Variants in OR6C3 observed in about 807,000 individuals in gnomAD.
OR6C3 encodes olfactory receptor 6C3.
For missense variants in OR6C3, 487 were observed against 364.6 expected (o/e 1.34, Z -2.73); for synonymous variants, 177 against 137.4 (o/e 1.29, Z -2.02).
rs747954019 is a variant in OR6C3, at chr12:55,332,497, C to A, written c.797C>A (p.Ser266Ter). 2.5e-6 allele frequency: 4 copies of A among 1,613,910 alleles called. No homozygotes were observed. Among genetic ancestry groups the A allele is most frequent in the Non-Finnish European group, 8.5e-7 (1 of 1,179,882 alleles). The stretch of plus-strand genomic sequence containing the variant: ...AATCCATCTGCAAAAGAAAAGGCAT[C>A]ATTGACAAAAGGAATAGCTATTCTC... ...YANPSAKEKA[S>*]LTKGIAILNT... Residue 266 changes from serine (S) to a stop codon, truncating the protein, a stop_gained, in exon 2 of 2, where the codon TCA (serine) becomes TAA (stop). Transcript: ENST00000641740. LOFTEE classifies it low-confidence loss of function (END_TRUNC).
At chr12:55,330,448 T>C (rs1484513478), upstream of OR6C3, 1 of 152,160 alleles carries the variant, frequency 6.6e-6, no homozygotes, top group African/African-American at 2.4e-5. Context: ...GTGTGAACTT[T>C]GGTAGTGTCC....
At chr12:55,331,196 A>G (rs1868830363) in intron 1 of OR6C3, among the ~76,000 whole-genome samples, 1 of 151,780 alleles carries the variant, frequency 6.6e-6, no homozygotes, top group Non-Finnish European at 1.5e-5. Flanking sequence ...GGTTTCTCAT[A>G]TCATAAAAAG....
At position 55,331,852 on chromosome 12, in the gene OR6C3, A is replaced by G. The variant is rs768074028; in HGVS notation, c.152A>G (p.His51Arg). The part of the protein sequence containing the change: ...TIITLTFVDS[H>R]LQTPMYFFLR... ...ATCACCCTAACCTTTGTGGACTCCC[A>G]TCTGCAGACACCTATGTATTTCTTC... The change falls in exon 2 of 2, where the codon CAT becomes CGT. Residue 51 changes from histidine to arginine, a missense_variant. Coordinates refer to ENST00000641740, the MANE Select transcript of OR6C3 (RefSeq NM_001388498.1). 6 of 1,613,966 alleles carry G rather than the reference A, an allele frequency of 3.7e-6. No homozygotes were observed. The highest frequency in any genetic ancestry group is 1.3e-5 in the African/African-American group (1 of 74,910).
rs1394696226 is a variant in OR6C3, at chr12:55,331,668, G to C, written c.-33G>C. 7.4e-7 allele frequency: 1 copy of C among 1,355,366 alleles called. No individual in the cohort carries two copies. Among genetic ancestry groups the C allele is most frequent in the Non-Finnish European group, 1.0e-6 (1 of 975,444 alleles). The allele number at this position is 1,355,366 out of a possible 1,614,324, so 84.0% of individuals were successfully genotyped here. ...AATATCTTTAAAAGAACAAAAAGGAGAGTGGAAGAAGGAGAGAGAGAAAGG... is the reference window on the plus strand; with the variant it reads ...AATATCTTTAAAAGAACAAAAAGGACAGTGGAAGAAGGAGAGAGAGAAAGG... On this transcript the variant is annotated 5_prime_UTR_variant, in exon 2 of 2. Coordinates refer to ENST00000641740, the MANE Select transcript of OR6C3 (RefSeq NM_001388498.1).
chr12:55,332,023 A>C lies in OR6C3; in HGVS notation c.323A>C (p.Glu108Ala), dbSNP rs1330550143. 1.9e-6 allele frequency: 3 copies of C among 1,613,986 alleles called. No homozygotes were observed. The highest frequency in any genetic ancestry group is 1.3e-5 in the African/African-American group (1 of 74,910). ...TTCTTTATCTTCATGGGGGTGACTG[A>C]ATTTTACATTTTAACTGCCATGTCC... ...LFFFIFMGVTEFYILTAMSYD... is the reference protein window; with the variant it reads ...LFFFIFMGVTAFYILTAMSYD... Residue 108 changes from glutamate to alanine, a missense_variant, in exon 2 of 2, where the codon GAA (glutamate) becomes GCA (alanine). Glu to Ala is a moderately radical substitution (Grantham distance 107). Coordinates refer to ENST00000641740, the MANE Select transcript of OR6C3 (RefSeq NM_001388498.1).
chr12:55,331,853 T>C lies in OR6C3; in HGVS notation c.153T>C (p.His51=). ...TIITLTFVDS[H]LQTPMYFFLR... ...TCACCCTAACCTTTGTGGACTCCCATCTGCAGACACCTATGTATTTCTTCC... is the reference window on the plus strand; with the variant it reads ...TCACCCTAACCTTTGTGGACTCCCACCTGCAGACACCTATGTATTTCTTCC... The change falls in exon 2 of 2, where the codon CAT becomes CAC. Residue 51 remains histidine (H), a synonymous_variant. Coordinates refer to ENST00000641740, the MANE Select transcript of OR6C3 (RefSeq NM_001388498.1). The C allele has an allele frequency of 1.2e-6, 2 of 1,614,128 alleles. No individual in the cohort carries two copies. The highest frequency in any genetic ancestry group is 8.5e-7 in the Non-Finnish European group (1 of 1,180,004).
Position 55,331,756 on chromosome 12 carries a change from A to G in OR6C3, c.56A>G (p.Asp19Gly). 1 of 1,613,946 alleles carries G rather than the reference A, an allele frequency of 6.2e-7. No individual in the cohort carries two copies. The highest frequency in any genetic ancestry group is 2.2e-5 in the East Asian group (1 of 44,878). ...CTCCTGGGCCTTTCTGATGATCCTG[A>G]CCTTCAGATTGTGATTTTTCTCTTT... is the stretch of plus-strand genomic sequence containing the variant. ...FVLLGLSDDP[D>G]LQIVIFLFLF... The change falls in exon 2 of 2, where the codon GAC (aspartate) becomes GGC (glycine). Residue 19 changes from aspartate (D) to glycine (G), a missense_variant. By Grantham distance (94) the Asp-to-Gly change is moderately conservative. Transcript: ENST00000641740.
In OR6C3 at chr12:55,331,919, A is replaced by G. The variant is rs1396574791; in HGVS notation, c.219A>G (p.Val73=). The change falls in exon 2 of 2, where the codon GTA becomes GTG. Residue 73 remains valine, a synonymous_variant. Coordinates refer to ENST00000641740, the MANE Select transcript of OR6C3 (RefSeq NM_001388498.1). ...TCTTAGAAATCTCATTTACAACCGT[A>G]TGCATCCCCAGATTTCTGGGGGCAA... ...FSFLEISFTT[V]CIPRFLGAII... is the part of the protein sequence containing the mutation. The G allele has an allele frequency of 1.9e-6, 3 of 1,614,076 alleles. No homozygotes were observed. Among genetic ancestry groups the G allele is most frequent in the Non-Finnish European group, 2.5e-6 (3 of 1,179,934 alleles).
At chr12:55,330,475 T>C (rs984368891), upstream of OR6C3, 1 of 152,284 alleles carries the variant, frequency 6.6e-6, no homozygotes, top group Admixed American at 6.5e-5. Flanking sequence ...GAAGCAATAA[T>C]TTTACATTCT....
chr12:55,331,648 C>G lies in OR6C3; in HGVS notation c.-44-9C>G. 3.4e-6 allele frequency: 4 copies of G among 1,163,670 alleles called. No individual in the cohort carries two copies. The South Asian group carries it at 6.1e-5, about 18-fold the overall frequency. The allele number at this position is 1,163,670 out of a possible 1,614,324, so 72.1% of individuals were successfully genotyped here. On this transcript the variant is annotated splice_polypyrimidine_tract_variant and intron_variant, in intron 1 of 1. Transcript: ENST00000641740. ...CTTAATTATCATTCTACCAAAATAT[C>G]TTTAAAAGAACAAAAAGGAGAGTGG...
In OR6C3 at chr12:55,332,548, A is replaced by G; in HGVS notation, c.848A>G (p.Asn283Ser). Residue 283 changes from asparagine (N) to serine (S), a missense_variant, in exon 2 of 2, where the codon AAC (asparagine) becomes AGC (serine). By Grantham distance (46) the Asn-to-Ser change is conservative (BLOSUM62 1). Coordinates refer to ENST00000641740, the MANE Select transcript of OR6C3 (RefSeq NM_001388498.1). ...AATACATCTGTTGCCCCCATGCTGA[A>G]CCCCTTCATTTACACTCTGAGAAAC... ...ILNTSVAPML[N>S]PFIYTLRNQQ... 6.2e-7 allele frequency: 1 copy of G among 1,613,316 alleles called. No homozygotes were observed. Among genetic ancestry groups the G allele is most frequent in the Non-Finnish European group, 8.5e-7 (1 of 1,179,976 alleles).
chr12:55,332,447 T>A lies in OR6C3; in HGVS notation c.747T>A (p.Tyr249Ter), dbSNP rs145466217. The change falls in exon 2 of 2, where the codon TAT (tyrosine) becomes TAA (stop). Residue 249 changes from tyrosine (Y) to a stop codon, truncating the protein, a stop_gained. Transcript: ENST00000641740. LOFTEE classifies it low-confidence loss of function (END_TRUNC). ...ACATGATTGTCATTTCCATTTCTTA[T>A]GGAAGCTGTATATTCATGTATGCTA... is the stretch of plus-strand genomic sequence containing the variant. ...SSHMIVISIS[Y>*]GSCIFMYANP... 65 of 1,613,956 alleles carry A rather than the reference T, an allele frequency of 4.0e-5. No individual in the cohort carries two copies. In the African/African-American group the frequency reaches 8.4e-4, roughly 21 times the overall value.
Position 55,331,890 on chromosome 12 carries a change from T to C in OR6C3, c.190T>C (p.Ser64Pro). The change falls in exon 2 of 2, where the codon TCT becomes CCT. Residue 64 changes from serine (S) to proline (P), a missense_variant. Ser to Pro is a moderately conservative substitution (Grantham distance 74, BLOSUM62 -1). Coordinates refer to ENST00000641740, the MANE Select transcript of OR6C3 (RefSeq NM_001388498.1). ...TATGTATTTCTTCCTCCGGAACTTC[T>C]CTTTCTTAGAAATCTCATTTACAAC... is the stretch of plus-strand genomic sequence containing the variant. ...TPMYFFLRNF[S>P]FLEISFTTVC... 6.2e-7 allele frequency: 1 copy of C among 1,614,204 alleles called. No individual in the cohort carries two copies. The highest frequency in any genetic ancestry group is 1.7e-4 in the Middle Eastern group (1 of 6,060).
rs754340124 is a variant in OR6C3, at chr12:55,332,452, G to A, written c.752G>A (p.Ser251Asn). The part of the protein sequence containing the change: ...HMIVISISYG[S>N]CIFMYANPSA... The stretch of plus-strand genomic sequence containing the variant: ...ATTGTCATTTCCATTTCTTATGGAA[G>A]CTGTATATTCATGTATGCTAATCCA... Residue 251 changes from serine (S) to asparagine (N), a missense_variant, in exon 2 of 2, where the codon AGC becomes AAC. Coordinates refer to ENST00000641740, the MANE Select transcript of OR6C3 (RefSeq NM_001388498.1). 1.0e-4 allele frequency: 164 copies of A among 1,613,728 alleles called. No homozygotes were observed. The highest frequency in any genetic ancestry group is 1.3e-4 in the Non-Finnish European group (157 of 1,179,900).
Position 55,331,916 on chromosome 12 carries a change from C to T in OR6C3, c.216C>T (p.Thr72=), listed in dbSNP as rs115313932. 15 of 1,613,866 alleles carry T rather than the reference C, an allele frequency of 9.3e-6. No individual in the cohort carries two copies. The highest frequency in any genetic ancestry group is 6.7e-5 in the East Asian group (3 of 44,888). Residue 72 remains threonine (T), a synonymous_variant, in exon 2 of 2, where the codon ACC becomes ACT. Coordinates refer to ENST00000641740, the MANE Select transcript of OR6C3 (RefSeq NM_001388498.1). ...CTTTCTTAGAAATCTCATTTACAACCGTATGCATCCCCAGATTTCTGGGGG... is the reference window on the plus strand; with the variant it reads ...CTTTCTTAGAAATCTCATTTACAACTGTATGCATCCCCAGATTTCTGGGGG... The part of the protein sequence containing the change: ...NFSFLEISFT[T]VCIPRFLGAI...
rs911221736 is a variant in OR6C3 at position 55,330,802 on chromosome 12, T to C, written c.-50T>C. The C allele has an allele frequency of 4.0e-4, 61 of 152,136 alleles. No homozygotes were observed. Among genetic ancestry groups the C allele is most frequent in the African/African-American group, 1.4e-3 (58 of 41,452 alleles). The allele number at this position is 152,136 out of a possible 1,614,324, so 9.4% of individuals were successfully genotyped here. The stretch of plus-strand genomic sequence containing the variant: ...AATCCAAGTGAGAGAGTTGCTGAGA[T>C]CTAAGGCAAGTAGTTACTTTTCCAA... On this transcript the variant is annotated 5_prime_UTR_variant, in exon 1 of 2. Transcript: ENST00000641740.
rs764595080 is a variant in OR6C3 at position 55,332,223 on chromosome 12, G to A, written c.523G>A (p.Ala175Thr). Residue 175 changes from alanine (A) to threonine (T), a missense_variant, in exon 2 of 2, where the codon GCA becomes ACA. Transcript: ENST00000641740. The stretch of plus-strand genomic sequence containing the variant: ...TGCTTCCAACGTCATTGATCACTTT[G>A]CATGTGACTATTTTCCCCTCTTACA... ...YCASNVIDHF[A>T]CDYFPLLQLS... 8 of 1,613,912 alleles carry A rather than the reference G, an allele frequency of 5.0e-6. No individual in the cohort carries two copies. The highest frequency in any genetic ancestry group is 6.8e-6 in the Non-Finnish European group (8 of 1,180,028).
Position 55,332,338 on chromosome 12 carries a change from TA to T in OR6C3, c.639del (p.Leu213PhefsTer11). ...TLLFTLALVI[L>X]SYMYIIRTIL... ...CTGTTCACTTTGGCATTAGTGATTT[TA>T]TCTTACATGTACATTATCAGGACCA... On this transcript the variant is annotated frameshift_variant, in exon 2 of 2. Transcript: ENST00000641740. LOFTEE classifies it low-confidence loss of function (END_TRUNC). 2.5e-6 allele frequency: 4 copies of T among 1,614,170 alleles called. No homozygotes were observed. The highest frequency in any genetic ancestry group is 3.4e-6 in the Non-Finnish European group (4 of 1,180,034).
chr12:55,331,878 C>CA lies in OR6C3; in HGVS notation c.178_179insA (p.Leu60HisfsTer28). ...TCTGCAGACACCTATGTATTTCTTCCTCCGGAACTTCTCTTTCTTAGAAAT... is the reference window on the plus strand; with the variant it reads ...TCTGCAGACACCTATGTATTTCTTCCATCCGGAACTTCTCTTTCTTAGAAAT... On this transcript the variant is annotated frameshift_variant, in exon 2 of 2. Transcript: ENST00000641740. LOFTEE classifies it low-confidence loss of function (END_TRUNC). 1 of 1,614,164 alleles carries CA rather than the reference C, an allele frequency of 6.2e-7. No homozygotes were observed. The highest frequency in any genetic ancestry group is 1.1e-5 in the South Asian group (1 of 91,080).
Sources: allele counts gnomAD v4.1 joint callset (sites outside exome capture counted in the v4.1 genomes callset), GRCh38; gene constraint gnomAD v4.1.1; transcripts MANE v1.5; gene names NCBI Gene and HGNC (gene_info 2026-07-23, HGNC 2026-07-21).